CADPS: variants seen among roughly 807,000 people sequenced by gnomAD.
CADPS encodes the protein calcium dependent secretion activator.
In CADPS, 57 loss-of-function variants were observed where a neutral mutation model predicts 167.3. The observed-to-expected ratio is 0.34, with a 90% CI of 0.28 to 0.42. The LOEUF is 0.42. CADPS is among the 20% of genes least tolerant of loss of function. CADPS has a pLI of 1.00. For synonymous variants in CADPS, 676 were observed against 635.3 expected (o/e 1.06, Z -0.96); for missense variants, 1,414 against 1,738.1 (o/e 0.81, Z 3.32).
intron 3 of CADPS, among the ~76,000 whole-genome samples, chr3:62,723,975 T>C (rs2076285980): frequency 6.6e-6 from 1 of 152,184 alleles, no homozygotes; most frequent in Non-Finnish European, 1.5e-5. Flanking sequence ...ACAGTTCAGG[T>C]GGCCTTATGT....
intron 28 of CADPS, among the ~76,000 whole-genome samples, chr3:62,408,109 T>C (rs1033077687): frequency 3.9e-5 from 6 of 152,196 alleles, no homozygotes; most frequent in African/African-American, 1.4e-4. Context: ...CTTAGATCAT[T>C]AATATGCAGA....
intron 6 of CADPS, among the ~76,000 whole-genome samples, chr3:62,622,106 C>T (rs2063287144): frequency 6.6e-6 from 1 of 152,072 alleles, no homozygotes; most frequent in Admixed American, 6.6e-5. Flanking sequence ...TATTTCTCAG[C>T]TGCCTTTCAC....
chr3:62,624,340 T>C (rs1206652641), intron 6 of CADPS, among the ~76,000 whole-genome samples: 2 of 152,144 alleles, frequency 1.3e-5, no homozygotes, highest in Non-Finnish European at 2.9e-5. Flanking sequence ...CCCATCCCAG[T>C]GTATTTGCAA....
At chr3:62,786,394 C>A (rs1423767081) in intron 1 of CADPS, among the ~76,000 whole-genome samples, 1 of 152,044 alleles carries the variant, frequency 6.6e-6, no homozygotes, top group Non-Finnish European at 1.5e-5. Flanking sequence ...GTAATTCCAG[C>A]ATTTTGGGAG....
chr3:62,467,423 C>CT, intron 24 of CADPS: 1 of 512,378 alleles, frequency 2.0e-6, no homozygotes, highest in Non-Finnish European at 2.9e-6. Flanking sequence ...ATTCAAAAGT[C>CT]TATGTAAACA....
intron 6 of CADPS, among the ~76,000 whole-genome samples, chr3:62,636,480 T>C (rs2066329513): frequency 6.6e-6 from 1 of 152,166 alleles, no homozygotes; most frequent in Non-Finnish European, 1.5e-5. Flanking sequence ...CAGGTGACTC[T>C]GAAGGACTCC....
rs527557996 is a variant in CADPS, at chr3:62,451,370, G to A, written c.3637-5573C>T. ...TCATTGTGCAGCTTTGATAGGGAGC[G>A]CGGCAGGGGCTTAAACCACTTCTTT... On this transcript the variant is annotated intron_variant, in intron 26 of 29. Transcript: ENST00000383710. Among the ~76,000 whole-genome samples, 11 of 152,074 alleles carry A rather than the reference G, an allele frequency of 7.2e-5. No homozygotes were observed. The South Asian group carries it at 8.3e-4, about 11-fold the overall frequency.
chr3:62,542,945 T>A (rs2075934293), intron 11 of CADPS, among the ~76,000 whole-genome samples: 1 of 152,154 alleles, frequency 6.6e-6, no homozygotes, highest in African/African-American at 2.4e-5. Context: ...CACTCCAACA[T>A]GAGCAAAAAT....
At position 62,474,155 on chromosome 3, in the gene CADPS, T is replaced by TTTTTTTTTTTTG; in HGVS notation, c.3477+17_3477+18insCAAAAAAAAAAA. ...TGAAGAGGGAAAAAAAAATCTGTATTTTTTTTTTTTTTTTTACCTCTTGGC... is the reference window on the plus strand; with the variant it reads ...TGAAGAGGGAAAAAAAAATCTGTATTTTTTTTTTTTTGTTTTTTTTTTTTTTTACCTCTTGGC... On this transcript the variant is annotated intron_variant, in intron 24 of 29. Transcript: ENST00000383710. 1.1e-6 allele frequency: 1 copy of TTTTTTTTTTTTG among 894,662 alleles called. No individual in the cohort carries two copies. The highest frequency in any genetic ancestry group is 3.4e-5 in the South Asian group (1 of 29,804). The allele number at this position is 894,662 out of a possible 1,614,324, so 55.4% of individuals were successfully genotyped here.
intron 13 of CADPS, among the ~76,000 whole-genome samples, chr3:62,520,848 A>C (rs1457118123): frequency 6.6e-6 from 1 of 152,024 alleles, no homozygotes; most frequent in East Asian, 1.9e-4. Context: ...TTTTTGTTTG[A>C]TTTCACTTCA....
chr3:62,510,657 A>T (rs2067605124), intron 17 of CADPS, among the ~76,000 whole-genome samples: 1 of 152,120 alleles, frequency 6.6e-6, no homozygotes, highest in Non-Finnish European at 1.5e-5. Flanking sequence ...TAGATTCTTA[A>T]AGCATAGTCT....
intron 28 of CADPS, among the ~76,000 whole-genome samples, chr3:62,426,129 A>G (rs1436685719): frequency 1.6e-4 from 24 of 152,040 alleles, no homozygotes; most frequent in Admixed American, 1.6e-3. Context: ...GTATTAGGAA[A>G]GGGTGTGGGG....
chr3:62,514,592 A>T lies in CADPS; in HGVS notation c.2581+1467T>A, dbSNP rs1223404163. ...TTACAGACCAGCTGATCTACTTTGGAAATGAATGCATTTTTACTTACAGAT... is the reference window on the plus strand; with the variant it reads ...TTACAGACCAGCTGATCTACTTTGGTAATGAATGCATTTTTACTTACAGAT... On this transcript the variant is annotated intron_variant, in intron 16 of 29. Transcript: ENST00000383710. This position sits in a 1 kb window ranked among gnomAD's most constrained non-coding sequence, Gnocchi z 4.2. Among the ~76,000 whole-genome samples, 1 of 152,174 alleles carries T rather than the reference A, an allele frequency of 6.6e-6. No homozygotes were observed. Among genetic ancestry groups the T allele is most frequent in the Non-Finnish European group, 1.5e-5 (1 of 68,014 alleles).
intron 10 of CADPS, among the ~76,000 whole-genome samples, chr3:62,550,501 G>C (rs541367127): frequency 6.6e-6 from 1 of 151,982 alleles, no homozygotes; most frequent in Non-Finnish European, 1.5e-5. Flanking sequence ...TCTTTACAAC[G>C]AAAGGGAAAT....
intron 3 of CADPS, among the ~76,000 whole-genome samples, chr3:62,705,654 T>C (rs540297559): frequency 5.7e-4 from 87 of 152,296 alleles, no homozygotes; most frequent in Non-Finnish European, 9.4e-4. Context: ...TCTCCTGTGC[T>C]GAATGCTTCC....
At chr3:62,497,798 G>A (rs924371753) in intron 18 of CADPS, among the ~76,000 whole-genome samples, 1 of 152,192 alleles carries the variant, frequency 6.6e-6, no homozygotes, top group Admixed American at 6.5e-5. Flanking sequence ...TGGTTACTAA[G>A]TTTGATACTC....
At position 62,761,037 on chromosome 3, in the gene CADPS, G is replaced by A. The variant is rs146555147; in HGVS notation, c.555+4834C>T. Among the ~76,000 whole-genome samples the A allele has an allele frequency of 7.2e-3, 1,100 of 152,252 alleles. 12 individuals carry two copies. Among genetic ancestry groups the A allele is most frequent in the African/African-American group, 0.025 (1,031 of 41,556 alleles). On this transcript the variant is annotated intron_variant, in intron 2 of 29. Transcript: ENST00000383710. ...CACTTCTTGAGTTCACATTCCGAGT[G>A]GGTTGGCATGAGAATGGACTGGGCT... is the stretch of plus-strand genomic sequence containing the variant.
chr3:62,586,289 C>T (rs1403900161), intron 7 of CADPS, among the ~76,000 whole-genome samples: 2 of 152,150 alleles, frequency 1.3e-5, no homozygotes, highest in Non-Finnish European at 2.9e-5. Context: ...TTTATTTTCT[C>T]TAGGTGCAAG....
intron 2 of CADPS, among the ~76,000 whole-genome samples, chr3:62,761,720 T>C (rs1245128297): frequency 6.6e-6 from 1 of 151,920 alleles, no homozygotes; most frequent in Non-Finnish European, 1.5e-5. Flanking sequence ...GGAGGGCTTA[T>C]ATTTTGGACA....
Sources: allele counts gnomAD v4.1 joint callset (sites outside exome capture counted in the v4.1 genomes callset), GRCh38; gene constraint gnomAD v4.1.1; non-coding constraint Gnocchi (gnomAD v3.1); transcripts MANE v1.5; gene names NCBI Gene and HGNC (gene_info 2026-07-23, HGNC 2026-07-21).